Variants in ODAD2 observed in about 807,000 individuals in gnomAD.
ODAD2 encodes outer dynein arm-docking complex subunit 2.
A neutral mutation model predicts 106.8 loss-of-function variants in ODAD2; 89 were observed. That is an observed-to-expected ratio of 0.83 (90% CI 0.70 to 0.99). The LOEUF (loss-of-function observed/expected upper bound fraction) is 0.99. Ranked by LOEUF, ODAD2 falls within the 50% of genes least tolerant of loss-of-function variation. The pLI, the probability that ODAD2 is intolerant of heterozygous loss-of-function variation, is 0.00. For synonymous variants in ODAD2, 404 were observed against 436.2 expected (o/e 0.93, Z 0.92); for missense variants, 1,168 against 1,238.5 (o/e 0.94, Z 0.85).
chr10:27,981,628 T>C (rs749077832), intron 6 of ODAD2, 46 bp from the exon 7 acceptor site: 16 of 1,310,444 alleles, frequency 1.2e-5, no homozygotes, highest in Admixed American at 8.0e-5. Context: ...ATAAGAACAA[T>C]TGTAAGAAGC....
intron 19 of ODAD2, among the ~76,000 whole-genome samples, chr10:27,831,879 C>T (rs1416533135): frequency 6.6e-6 from 1 of 152,216 alleles, no homozygotes; most frequent in East Asian, 1.9e-4. Flanking sequence ...TATGTGGCTC[C>T]CCTCTCCCCT....
At chr10:27,902,527 T>C (rs1038098578) in intron 17 of ODAD2, among the ~76,000 whole-genome samples, 1 of 151,822 alleles carries the variant, frequency 6.6e-6, no homozygotes, top group Non-Finnish European at 1.5e-5. Flanking sequence ...TTTGAAAACA[T>C]TAACAAAATA....
chr10:27,949,059 C>T (rs1847147872), intron 10 of ODAD2, among the ~76,000 whole-genome samples: 1 of 152,076 alleles, frequency 6.6e-6, no homozygotes, highest in Admixed American at 6.5e-5. Context: ...GTATACAGAA[C>T]AATGCCCCTC....
chr10:27,816,948 C>T (rs1564391071), intron 19 of ODAD2, among the ~76,000 whole-genome samples: 4 of 152,098 alleles, frequency 2.6e-5, no homozygotes, highest in Admixed American at 2.0e-4. Context: ...CGGGGTTTTG[C>T]CATGTTGGCC....
At chr10:27,836,041 C>A in intron 19 of ODAD2, 1 of 153,476 alleles carries the variant, frequency 6.5e-6, no homozygotes, top group South Asian at 1.8e-4. Context: ...GTTGAGTAGC[C>A]TGAAGAGGAG....
At chr10:27,886,715 A>G (rs1211574478) in intron 17 of ODAD2, among the ~76,000 whole-genome samples, 1 of 152,078 alleles carries the variant, frequency 6.6e-6, no homozygotes. Context: ...TGCAATATAT[A>G]AAGATGTTAT....
intron 17 of ODAD2, among the ~76,000 whole-genome samples, chr10:27,864,545 G>C (rs1371426890): frequency 1.3e-5 from 2 of 150,324 alleles, no homozygotes; most frequent in Non-Finnish European, 3.0e-5. Flanking sequence ...GGTGAGAGCG[G>C]GGAGTGAGGT....
chr10:27,951,116 A>ATTTAGTGGATTAAATGGAT (rs1384846288), intron 10 of ODAD2, among the ~76,000 whole-genome samples: 1 of 152,222 alleles, frequency 6.6e-6, no homozygotes, highest in African/African-American at 2.4e-5. Context: ...ATTATGTAAA[A>ATTTAGTGGATTAAATGGAT]GATTAAATGG....
chr10:27,924,022 G>GAAAGAAAGAAAGA (rs879886979), intron 16 of ODAD2, among the ~76,000 whole-genome samples: 1 of 132,862 alleles, frequency 7.5e-6, no homozygotes, highest in Non-Finnish European at 1.6e-5. Flanking sequence ...AAGAAAGAAA[G>GAAAGAAAGAAAGA]AAGGAAAGAG....
chr10:27,882,172 A>AG (rs751874534), intron 17 of ODAD2, among the ~76,000 whole-genome samples: 13,673 of 133,852 alleles, frequency 0.1, 651 homozygotes, highest in Non-Finnish European at 0.14. Context: ...TGTCATAAAA[A>AG]AAAAGAAAGA....
At chr10:27,946,307 C>T (rs565470523) in intron 10 of ODAD2, among the ~76,000 whole-genome samples, 2 of 151,040 alleles carry the variant, frequency 1.3e-5, no homozygotes, top group Non-Finnish European at 3.0e-5. Context: ...ATACCAGCTG[C>T]CAAACTCCCT....
intron 16 of ODAD2, 105 bp from the exon 17 acceptor site, chr10:27,907,882 C>A: frequency 2.5e-6 from 2 of 804,004 alleles, no homozygotes; most frequent in Non-Finnish European, 3.9e-6. Context: ...TGATATTTTG[C>A]TTAGAATTTT....
Position 27,981,340 on chromosome 10 carries a change from A to T in ODAD2, c.936+126T>A, listed in dbSNP as rs543831402. The T allele has an allele frequency of 1.1e-4, 87 of 762,342 alleles. No homozygotes were observed. The South Asian group carries it at 2.3e-3, about 20-fold the overall frequency. The allele number at this position is 762,342 out of a possible 1,614,324, so 47.2% of individuals were successfully genotyped here. On this transcript the variant is annotated intron_variant, in intron 7 of 19. Coordinates refer to ENST00000305242, the MANE Select transcript of ODAD2 (RefSeq NM_018076.5). ...GTATTTTTATGTTATGTTATGTTGT[A>T]AAAAAAAACCACTAATAATAAAAAG...
chr10:27,967,706 C>T (rs1294379532), intron 9 of ODAD2, among the ~76,000 whole-genome samples: 1 of 152,048 alleles, frequency 6.6e-6, no homozygotes, highest in African/African-American at 2.4e-5. Flanking sequence ...GCCTGGCCAA[C>T]ATGGCAAAAC....
intron 19 of ODAD2, among the ~76,000 whole-genome samples, chr10:27,849,061 C>G (rs1468978048): frequency 1.3e-5 from 2 of 152,148 alleles, no homozygotes; most frequent in Non-Finnish European, 2.9e-5. Flanking sequence ...GGTATATACC[C>G]AAAGGATTAT....
At chr10:27,869,973 T>A (rs1202728568) in intron 17 of ODAD2, among the ~76,000 whole-genome samples, 1 of 151,980 alleles carries the variant, frequency 6.6e-6, no homozygotes, top group Non-Finnish European at 1.5e-5. Flanking sequence ...TAATATTGAG[T>A]CAAAATGACC....
Position 27,921,403 on chromosome 10 carries a change from T to C in ODAD2, c.2495+13607A>G, listed in dbSNP as rs143995165. ...TTTAAATTTTAAGGATATTTTGAAG[T>C]AATGGAAAATTTAGAGCATTAGACT... On this transcript the variant is annotated intron_variant, in intron 16 of 19. Coordinates refer to ENST00000305242, the MANE Select transcript of ODAD2 (RefSeq NM_018076.5). Among the ~76,000 whole-genome samples, 612 of 152,080 alleles carry C rather than the reference T, an allele frequency of 4.0e-3. 6 individuals are homozygous for C. Among genetic ancestry groups the C allele is most frequent in the African/African-American group, 0.014 (571 of 41,508 alleles).
In ODAD2 at chr10:27,944,773, G is replaced by A. The variant is rs775567373; in HGVS notation, c.1533+43C>T. On this transcript the variant is annotated intron_variant, in intron 11 of 19. Coordinates refer to ENST00000305242, the MANE Select transcript of ODAD2 (RefSeq NM_018076.5). ...TAGAGCTAAGAAGAGAGCCCAGGAA[G>A]GTGGGAACAAGACTCCGCATCCAAG... is the stretch of plus-strand genomic sequence containing the variant. The A allele has an allele frequency of 8.1e-6, 13 of 1,612,274 alleles. No homozygotes were observed. In the East Asian group the frequency reaches 2.0e-4, roughly 25 times the overall value.
At chr10:27,831,180 C>T (rs1024537675) in intron 19 of ODAD2, among the ~76,000 whole-genome samples, 1 of 152,160 alleles carries the variant, frequency 6.6e-6, no homozygotes, top group African/African-American at 2.4e-5. Context: ...AATGCTACCT[C>T]GGCCTGCAAC....
Sources: gnomAD v4.1 joint callset for allele counts (sites outside exome capture counted in the v4.1 genomes callset) on GRCh38, gnomAD v4.1.1 for gene constraint, MANE v1.5 for transcripts, NCBI Gene and HGNC (gene_info 2026-07-23, HGNC 2026-07-21) for gene names.